Variants in IPO11 observed in about 807,000 individuals in gnomAD.
IPO11 encodes importin 11.
A neutral mutation model predicts 143.2 loss-of-function variants in IPO11; 66 were observed. The observed-to-expected ratio is 0.46, with a 90% CI of 0.38 to 0.57. The LOEUF (loss-of-function observed/expected upper bound fraction) is 0.57, where lower values mean the gene tolerates loss of function less well. Among genes scored for constraint, IPO11 ranks in the 20% least tolerant of loss-of-function variants. The probability of loss-of-function intolerance (pLI) is 0.00; values close to 1 mark genes in which losing one functional copy is unlikely to be tolerated. For synonymous variants in IPO11, 385 were observed against 377.8 expected, an observed-to-expected ratio of 1.02 and a Z score of -0.22; for missense variants, 1,026 against 1,141.0, an observed-to-expected ratio of 0.90 and a Z score of 1.45.
intron 29 of IPO11, among the ~76,000 whole-genome samples, chr5:62,603,523 G>T (rs1745584587): frequency 6.6e-6 from 1 of 152,170 alleles, no homozygotes; most frequent in Admixed American, 6.5e-5. Context: ...TGGGTGGCTG[G>T]AGCCTGTCCT....
intron 5 of IPO11, among the ~76,000 whole-genome samples, chr5:62,463,051 A>G (rs924364688): frequency 6.6e-6 from 1 of 151,898 alleles, no homozygotes; most frequent in African/African-American, 2.4e-5. Flanking sequence ...AAAACATTCA[A>G]TTTATTTTTA....
chr5:62,430,443 C>T (rs1463311029), intron 1 of IPO11, among the ~76,000 whole-genome samples: 2 of 152,112 alleles, frequency 1.3e-5, no homozygotes, highest in African/African-American at 2.4e-5. Flanking sequence ...ACCTCAGCCT[C>T]CCAAGTAGCT....
At chr5:62,535,017 A>ATATTTATTTATT (rs70981023) in intron 22 of IPO11, among the ~76,000 whole-genome samples, 11,350 of 142,530 alleles carry the variant, frequency 0.08, 546 homozygotes, top group African/African-American at 0.13. Context: ...TATAATATTA[A>ATATTTATTTATT]TATTTATTTA....
intron 3 of IPO11, among the ~76,000 whole-genome samples, chr5:62,447,204 C>T (rs894520356): frequency 1.3e-5 from 2 of 152,022 alleles, no homozygotes; most frequent in Admixed American, 6.6e-5. Context: ...CTCCTGGGCT[C>T]AAGCAGCCCT....
chr5:62,604,631 T>C (rs1466140055), intron 29 of IPO11, among the ~76,000 whole-genome samples: 1 of 152,210 alleles, frequency 6.6e-6, no homozygotes, highest in Non-Finnish European at 1.5e-5. Flanking sequence ...TCTAATTATA[T>C]GTAGTATTGG....
chr5:62,507,998 C>CTT (rs148649294), intron 19 of IPO11, among the ~76,000 whole-genome samples: 36 of 151,530 alleles, frequency 2.4e-4, no homozygotes, highest in African/African-American at 7.8e-4. Flanking sequence ...TTGTCTGATT[C>CTT]TTTTTTTTTC....
chr5:62,458,311 T>C (rs949663107), intron 5 of IPO11, among the ~76,000 whole-genome samples: 3 of 150,170 alleles, frequency 2.0e-5, no homozygotes, highest in African/African-American at 4.9e-5. Context: ...TGGCTTTTTT[T>C]CCCCCTGGGG....
chr5:62,584,256 T>C (rs1483080818), intron 27 of IPO11, among the ~76,000 whole-genome samples: 1 of 151,996 alleles, frequency 6.6e-6, no homozygotes. Context: ...AAGCTATTGA[T>C]GAGGGCTTCA....
At chr5:62,585,225 C>T (rs951210240) in intron 27 of IPO11, among the ~76,000 whole-genome samples, 2 of 152,276 alleles carry the variant, frequency 1.3e-5, no homozygotes, top group Non-Finnish European at 2.9e-5. Flanking sequence ...CTCTGAGGAG[C>T]AAACGTTTTT....
chr5:62,438,932 G>A (rs1052211706), intron 2 of IPO11, among the ~76,000 whole-genome samples: 10 of 151,842 alleles, frequency 6.6e-5, no homozygotes, highest in African/African-American at 1.9e-4. Context: ...GGTGGCGGGC[G>A]CCTGTAGTCC....
intron 27 of IPO11, chr5:62,579,731 A>C (rs1019343976): frequency 3.9e-6 from 6 of 1,547,964 alleles, no homozygotes; most frequent in Middle Eastern, 1.7e-4. Context: ...AACATTCTGT[A>C]TGTATATCCA....
chr5:62,494,150 A>T, intron 16 of IPO11, 26 bp downstream of exon 16: 1 of 1,583,560 alleles, frequency 6.3e-7, no homozygotes, highest in Non-Finnish European at 8.6e-7. Context: ...GCCTTAAAAG[A>T]GTTAGTTTTT....
intron 14 of IPO11, 112 bp downstream of exon 14, chr5:62,489,461 A>T (rs1464059828): frequency 1.6e-6 from 1 of 637,248 alleles, no homozygotes; most frequent in Non-Finnish European, 2.6e-6. Flanking sequence ...ACTAAAATAC[A>T]GGAACAATCT....
intron 1 of IPO11, chr5:62,419,122 A>T: frequency 6.5e-7 from 1 of 1,549,516 alleles, no homozygotes; most frequent in Non-Finnish European, 8.7e-7. Flanking sequence ...CAGTTGTCAC[A>T]AAATGGTAAG....
intron 3 of IPO11, among the ~76,000 whole-genome samples, chr5:62,447,983 G>A (rs1455712407): frequency 1.3e-5 from 2 of 152,174 alleles, no homozygotes; most frequent in African/African-American, 4.8e-5. Flanking sequence ...CCAGAGTGCA[G>A]GGATTACAGG....
At chr5:62,454,593 A>T (rs1443705890) in intron 5 of IPO11, among the ~76,000 whole-genome samples, 1 of 152,170 alleles carries the variant, frequency 6.6e-6, no homozygotes, top group African/African-American at 2.4e-5. Context: ...TGTGTGAGTT[A>T]GCTTCTTGCT....
chr5:62,506,693 G>T (rs530033589), intron 19 of IPO11, among the ~76,000 whole-genome samples: 1 of 152,168 alleles, frequency 6.6e-6, no homozygotes, highest in East Asian at 1.9e-4. Flanking sequence ...GGGAAAGTCT[G>T]TTATTTTTAC....
At chr5:62,548,378 C>CT (rs892863052) in intron 24 of IPO11, among the ~76,000 whole-genome samples, 7 of 152,068 alleles carry the variant, frequency 4.6e-5, no homozygotes, top group Non-Finnish European at 1.0e-4. Context: ...CCTTGGGGCT[C>CT]TTTCTTTTCC....
At chr5:62,485,118 G>A (rs1746352545) in intron 11 of IPO11, among the ~76,000 whole-genome samples, 1 of 152,044 alleles carries the variant, frequency 6.6e-6, no homozygotes, top group Non-Finnish European at 1.5e-5. Context: ...AGTGATATTG[G>A]ATCAGGTGAT....
Sources: allele counts gnomAD v4.1 joint callset (sites outside exome capture counted in the v4.1 genomes callset), GRCh38; gene constraint gnomAD v4.1.1; transcripts MANE v1.5; gene names NCBI Gene and HGNC (gene_info 2026-07-23, HGNC 2026-07-21).